POU6F2: variants seen among roughly 807,000 people sequenced by gnomAD.
POU6F2 encodes POU class 6 homeobox 2, also known as POU domain, class 6, transcription factor 2.
A neutral mutation model predicts 71.3 loss-of-function variants in POU6F2; 31 were observed. The observed-to-expected ratio is 0.43, with a 90% CI of 0.33 to 0.59. The LOEUF (loss-of-function observed/expected upper bound fraction) is 0.59, where lower values mean the gene tolerates loss of function less well. POU6F2 is among the 20% of genes least tolerant of loss of function. The pLI is 0.04. For missense variants in POU6F2, 783 were observed against 856.8 expected, an observed-to-expected ratio of 0.91 and a Z score of 1.07; for synonymous variants, 347 against 355.7, an observed-to-expected ratio of 0.98 and a Z score of 0.27.
At chr7:39,272,144 T>G (rs1490084986) in intron 4 of POU6F2, among the ~76,000 whole-genome samples, 1 of 152,186 alleles carries the variant, frequency 6.6e-6, no homozygotes, top group Admixed American at 6.5e-5. Flanking sequence ...CCCAGGATCA[T>G]AGGGAAGAAA....
chr7:39,183,250 C>A (rs1793470038), intron 2 of POU6F2, among the ~76,000 whole-genome samples: 1 of 152,188 alleles, frequency 6.6e-6, no homozygotes, highest in Non-Finnish European at 1.5e-5. Context: ...CATCCCCCAC[C>A]TGCTGTATTA....
At chr7:39,056,511 C>T (rs924077394) in intron 1 of POU6F2, among the ~76,000 whole-genome samples, 1 of 151,908 alleles carries the variant, frequency 6.6e-6, no homozygotes, top group East Asian at 1.9e-4. Flanking sequence ...TCTCCTTCTC[C>T]ATCTTTTTTA....
At chr7:38,998,442 A>T (rs1396093595) in intron 1 of POU6F2, among the ~76,000 whole-genome samples, 1 of 152,234 alleles carries the variant, frequency 6.6e-6, no homozygotes. Flanking sequence ...AGAAGTTTAC[A>T]TCACATACAA....
At chr7:39,262,257 T>A (rs145848460) in intron 4 of POU6F2, among the ~76,000 whole-genome samples, 15 of 152,252 alleles carry the variant, frequency 9.9e-5, no homozygotes, top group African/African-American at 2.9e-4. Flanking sequence ...GAGACCTAAC[T>A]GGCAACTGTC....
At chr7:39,019,091 T>C (rs1168835279) in intron 1 of POU6F2, among the ~76,000 whole-genome samples, 1 of 152,188 alleles carries the variant, frequency 6.6e-6, no homozygotes, top group African/African-American at 2.4e-5. Context: ...ATTTTTGTTA[T>C]TGTTGTTATT....
chr7:39,316,105 A>C (rs1322627980), intron 4 of POU6F2, among the ~76,000 whole-genome samples: 2 of 152,182 alleles, frequency 1.3e-5, no homozygotes, highest in East Asian at 1.9e-4. Context: ...CAGACCAGGA[A>C]TAAGAATAGT....
At chr7:39,034,520 A>T in intron 1 of POU6F2, 1 of 421,946 alleles carries the variant, frequency 2.4e-6, no homozygotes, top group South Asian at 1.7e-5. Context: ...TTGATATAAT[A>T]ATGCACATAA....
At chr7:39,075,891 G>A (rs1360783309) in intron 1 of POU6F2, among the ~76,000 whole-genome samples, 1 of 152,190 alleles carries the variant, frequency 6.6e-6, no homozygotes, top group Admixed American at 6.5e-5. Context: ...CAGTCCTGGG[G>A]GAAAATGAGA....
At chr7:39,344,136 C>G (rs1298988703) in intron 5 of POU6F2, among the ~76,000 whole-genome samples, 1 of 152,178 alleles carries the variant, frequency 6.6e-6, no homozygotes, top group Admixed American at 6.5e-5. Flanking sequence ...CTCCCACGTA[C>G]CATCTTGCAT....
At chr7:38,978,622 G>A (rs1354718818) in intron 1 of POU6F2, among the ~76,000 whole-genome samples, 1 of 152,192 alleles carries the variant, frequency 6.6e-6, no homozygotes, top group African/African-American at 2.4e-5. Flanking sequence ...AGGGCAGGCT[G>A]CAAATTAAAC....
chr7:38,982,137 A>G (rs1276400964), intron 1 of POU6F2, among the ~76,000 whole-genome samples: 1 of 152,200 alleles, frequency 6.6e-6, no homozygotes, highest in Non-Finnish European at 1.5e-5. Context: ...TGCCTTACAT[A>G]TAAAAATGAA....
At chr7:39,211,387 C>T (rs1394284569) in intron 4 of POU6F2, among the ~76,000 whole-genome samples, 9 of 152,156 alleles carry the variant, frequency 5.9e-5, no homozygotes, top group African/African-American at 4.8e-5. Context: ...TGTGTGGGAA[C>T]GTTTTTGCTT....
chr7:39,219,869 C>T (rs765366412), intron 4 of POU6F2, among the ~76,000 whole-genome samples: 24 of 152,082 alleles, frequency 1.6e-4, no homozygotes, highest in African/African-American at 5.5e-4. Context: ...TATATATATA[C>T]AACATTTGAC....
At chr7:39,341,731 C>A (rs1318994926) in intron 5 of POU6F2, among the ~76,000 whole-genome samples, 1 of 152,124 alleles carries the variant, frequency 6.6e-6, no homozygotes, top group Non-Finnish European at 1.5e-5. Context: ...GTATTCCTTC[C>A]TGTTAGGTGA....
intron 9 of POU6F2, among the ~76,000 whole-genome samples, chr7:39,463,890 T>C (rs1333952042): frequency 1.3e-5 from 2 of 152,188 alleles, no homozygotes; most frequent in African/African-American, 4.8e-5. Flanking sequence ...TCTCAGAGTT[T>C]ATAGGGAAAA....
chr7:39,451,524 C>T lies in POU6F2; in HGVS notation c.1321-9C>T, dbSNP rs777796169. ...CATTTGTGTATTTTTTTTACATCCC[C>T]TCATGTAGCTCCACCAACCCTCCCA... On this transcript the variant is annotated splice_polypyrimidine_tract_variant and intron_variant, in intron 7 of 9. Coordinates refer to ENST00000518318, the MANE Select transcript of POU6F2 (RefSeq NM_001370959.1). The T allele has an allele frequency of 1.9e-6, 3 of 1,607,180 alleles. No homozygotes were observed. Among genetic ancestry groups the T allele is most frequent in the South Asian group, 1.1e-5 (1 of 90,266 alleles).
chr7:39,442,011 T>G (rs927392566), intron 7 of POU6F2, among the ~76,000 whole-genome samples: 9 of 152,088 alleles, frequency 5.9e-5, no homozygotes, highest in African/African-American at 1.7e-4. Context: ...TGCAGAAATA[T>G]CCTTCCAGAT....
intron 5 of POU6F2, among the ~76,000 whole-genome samples, chr7:39,351,751 A>C (rs1333565680): frequency 6.6e-6 from 1 of 152,176 alleles, no homozygotes; most frequent in East Asian, 1.9e-4. Context: ...AGTGCTACTC[A>C]ATGGACCCAC....
chr7:39,375,199 T>C (rs1786687884), intron 5 of POU6F2, among the ~76,000 whole-genome samples: 1 of 152,200 alleles, frequency 6.6e-6, no homozygotes, highest in South Asian at 2.1e-4. Context: ...GCCTAATTTT[T>C]TTCCATTCAG....
Sources: gnomAD v4.1 joint callset for allele counts (sites outside exome capture counted in the v4.1 genomes callset) on GRCh38, gnomAD v4.1.1 for gene constraint, MANE v1.5 for transcripts, NCBI Gene and HGNC (gene_info 2026-07-23, HGNC 2026-07-21) for gene names.